XPR1: variants seen among roughly 807,000 people sequenced by gnomAD.
The protein encoded by XPR1 is xenotropic and polytropic retrovirus receptor 1.
A neutral mutation model predicts 87.5 loss-of-function variants in XPR1; 28 were observed. The observed-to-expected ratio is 0.32, with a 90% CI of 0.24 to 0.44. The LOEUF (loss-of-function observed/expected upper bound fraction) is 0.44. XPR1 is among the 20% of genes least tolerant of loss of function. XPR1 has a pLI of 1.00. For missense variants in XPR1, 559 were observed against 862.3 expected (o/e 0.65, Z 4.41); for synonymous variants, 300 against 306.1 (o/e 0.98, Z 0.21).
chr1:180,798,868 C>T (rs1050158990), intron 3 of XPR1, among the ~76,000 whole-genome samples: 3 of 152,178 alleles, frequency 2.0e-5, no homozygotes, highest in African/African-American at 7.2e-5. Flanking sequence ...CCTGCCTCAG[C>T]CTCCCAGAGT....
At chr1:180,722,800 ATTAT>A (rs1244338115) in intron 2 of XPR1, among the ~76,000 whole-genome samples, 4 of 152,230 alleles carry the variant, frequency 2.6e-5, no homozygotes, top group East Asian at 3.9e-4. Flanking sequence ...GAAGAGCATG[ATTAT>A]TTATAGACTA....
chr1:180,757,750 C>A (rs563938855), intron 2 of XPR1, among the ~76,000 whole-genome samples: 1 of 151,316 alleles, frequency 6.6e-6, no homozygotes, highest in South Asian at 2.1e-4. Context: ...AAACTTCTGG[C>A]CTCAAGCGAT....
At chr1:180,679,679 T>A (rs1162946301) in intron 1 of XPR1, among the ~76,000 whole-genome samples, 1 of 152,216 alleles carries the variant, frequency 6.6e-6, no homozygotes, top group African/African-American at 2.4e-5. Context: ...TAAATATGGT[T>A]GTTAGCTAAT....
In XPR1 at chr1:180,887,072, T is replaced by A. The variant is rs1301771310; in HGVS notation, c.*3006T>A. On this transcript the variant is annotated 3_prime_UTR_variant, in exon 15 of 15. Coordinates refer to ENST00000367590, the MANE Select transcript of XPR1 (RefSeq NM_004736.4). Reference sequence around the variant, plus strand: ...CTGTAATCCCAGCTACTCAGGAGACTGAGGCAGGAGAATTGCTTAAACCTG... The same window carrying A: ...CTGTAATCCCAGCTACTCAGGAGACAGAGGCAGGAGAATTGCTTAAACCTG... 6 of 152,332 alleles carry A rather than the reference T, an allele frequency of 3.9e-5. No individual in the cohort carries two copies. Among genetic ancestry groups the A allele is most frequent in the Non-Finnish European group, 8.8e-5 (6 of 68,134 alleles). The allele number at this position is 152,332 out of a possible 1,614,324, so 9.4% of individuals were successfully genotyped here. A position where few individuals can be genotyped will look rare whatever the true frequency, so the allele number is the denominator to read the frequency against.
At chr1:180,747,663 TG>T (rs1162180348) in intron 2 of XPR1, among the ~76,000 whole-genome samples, 1 of 152,230 alleles carries the variant, frequency 6.6e-6, no homozygotes, top group Non-Finnish European at 1.5e-5. Context: ...AAAATTAATC[TG>T]ATTTTAATTG....
Position 180,841,384 on chromosome 1 carries a change from T to C in XPR1, c.1501+4668T>C, listed in dbSNP as rs965739060. Among the ~76,000 whole-genome samples the C allele has an allele frequency of 5.3e-5, 8 of 152,126 alleles. No individual in the cohort carries two copies. In the South Asian group the frequency reaches 8.3e-4, roughly 16 times the overall value. On this transcript the variant is annotated intron_variant, in intron 11 of 14. Coordinates refer to ENST00000367590, the MANE Select transcript of XPR1 (RefSeq NM_004736.4). ...CTTCAGCCTAGGGATTTTTTTTTTTTCCAGACAAAGCGACATCTTTAAAGT... is the reference window on the plus strand; with the variant it reads ...CTTCAGCCTAGGGATTTTTTTTTTTCCCAGACAAAGCGACATCTTTAAAGT...
chr1:180,675,309 G>A (rs1656327727), intron 1 of XPR1, among the ~76,000 whole-genome samples: 1 of 152,134 alleles, frequency 6.6e-6, no homozygotes, highest in South Asian at 2.1e-4. Flanking sequence ...AAAAGGAGCA[G>A]ACAGGGTAAT....
chr1:180,833,821 T>A (rs1651169089), intron 9 of XPR1, among the ~76,000 whole-genome samples: 1 of 152,226 alleles, frequency 6.6e-6, no homozygotes. Flanking sequence ...GTTCTCATCT[T>A]TTTTAGATGA....
intron 2 of XPR1, among the ~76,000 whole-genome samples, chr1:180,761,547 A>T (rs1443959674): frequency 6.6e-6 from 1 of 152,222 alleles, no homozygotes; most frequent in African/African-American, 2.4e-5. Flanking sequence ...CCATCAGAGA[A>T]ATGCAAATCA....
chr1:180,853,527 G>A (rs1219320458), intron 11 of XPR1, among the ~76,000 whole-genome samples: 1 of 151,522 alleles, frequency 6.6e-6, no homozygotes, highest in East Asian at 1.9e-4. Context: ...ATCTTTGATT[G>A]TCTTTTCATT....
chr1:180,836,513 T>A lies in XPR1; in HGVS notation c.1307-9T>A. ...CAATGGTAATTTTTCTTCTTTGAAA[T>A]CTTCACAGAATCAGGAATTTGCCAC... On this transcript the variant is annotated splice_polypyrimidine_tract_variant and intron_variant, in intron 10 of 14. Transcript: ENST00000367590. 1 of 1,613,876 alleles carries A rather than the reference T, an allele frequency of 6.2e-7. No individual in the cohort carries two copies. The highest frequency in any genetic ancestry group is 8.5e-7 in the Non-Finnish European group (1 of 1,179,938).
At chr1:180,814,904 G>A (rs1650348090) in intron 7 of XPR1, among the ~76,000 whole-genome samples, 1 of 152,104 alleles carries the variant, frequency 6.6e-6, no homozygotes, top group South Asian at 2.1e-4. Flanking sequence ...GGGTGGGGAT[G>A]GAGTGTAGAA....
At chr1:180,702,868 A>G (rs1375493548) in intron 2 of XPR1, among the ~76,000 whole-genome samples, 3 of 151,614 alleles carry the variant, frequency 2.0e-5, no homozygotes, top group Admixed American at 1.3e-4. Flanking sequence ...TGTTTCTTGC[A>G]TCCTTATGCT....
chr1:180,847,081 T>C (rs528858025), intron 11 of XPR1, among the ~76,000 whole-genome samples: 1 of 152,264 alleles, frequency 6.6e-6, no homozygotes, highest in East Asian at 1.9e-4. Flanking sequence ...CCAGGAATCT[T>C]CTCAAACGAA....
intron 2 of XPR1, among the ~76,000 whole-genome samples, chr1:180,777,644 T>C (rs368969252): frequency 2.0e-5 from 3 of 152,318 alleles, no homozygotes; most frequent in East Asian, 1.9e-4. Flanking sequence ...ATATGCTTTA[T>C]ATAATTCATC....
intron 1 of XPR1, among the ~76,000 whole-genome samples, chr1:180,639,674 G>T (rs192434690): frequency 1.3e-5 from 2 of 152,232 alleles, no homozygotes; most frequent in African/African-American, 4.8e-5. Flanking sequence ...TGTGCTTTGT[G>T]GGCTTTTTTT....
intron 1 of XPR1, among the ~76,000 whole-genome samples, chr1:180,659,706 G>T (rs940955822): frequency 1.3e-5 from 2 of 151,072 alleles, no homozygotes; most frequent in Non-Finnish European, 2.9e-5. Context: ...TTTAGTAGAG[G>T]TGGGGTTTCA....
At chr1:180,824,455 C>A (rs984833700) in intron 7 of XPR1, among the ~76,000 whole-genome samples, 2 of 152,060 alleles carry the variant, frequency 1.3e-5, no homozygotes, top group Non-Finnish European at 2.9e-5. Context: ...GTGGTGCGTG[C>A]CTGTAATCCC....
chr1:180,858,969 T>C (rs1324369158), intron 11 of XPR1, among the ~76,000 whole-genome samples: 2 of 47,536 alleles, frequency 4.2e-5, no homozygotes, highest in Non-Finnish European at 9.3e-5. Flanking sequence ...CAGGATTTGC[T>C]AGATCCTAAA....
Sources: allele counts gnomAD v4.1 joint callset (sites outside exome capture counted in the v4.1 genomes callset), GRCh38; gene constraint gnomAD v4.1.1; transcripts MANE v1.5; gene names NCBI Gene and HGNC (gene_info 2026-07-23, HGNC 2026-07-21).